Variants in LRP6 observed in about 807,000 individuals in gnomAD.
LRP6 encodes low-density lipoprotein receptor-related protein 6.
Under a neutral mutation model 184.1 loss-of-function variants are expected in LRP6, and 43 were observed. The ratio of observed to expected loss-of-function variants is 0.23; its 90% confidence interval spans 0.18 to 0.30. The LOEUF (loss-of-function observed/expected upper bound fraction) is 0.30, where lower values mean the gene tolerates loss of function less well. Ranked by LOEUF, LRP6 falls within the 10% of genes least tolerant of loss-of-function variation. The pLI is 1.00. For missense variants in LRP6, 1,571 were observed against 2,005.3 expected (o/e 0.78, Z 4.14); for synonymous variants, 719 against 684.9 (o/e 1.05, Z -0.78).
intron 12 of LRP6, among the ~76,000 whole-genome samples, chr12:12,157,045 G>T (rs1862601268): frequency 6.6e-6 from 1 of 152,222 alleles, no homozygotes; most frequent in African/African-American, 2.4e-5. Context: ...CAGCAGGTGT[G>T]AGACAGCCTA....
intron 3 of LRP6, among the ~76,000 whole-genome samples, chr12:12,198,530 CTTTTTTTTT>C (rs56150307): frequency 2.6e-5 from 2 of 76,992 alleles, no homozygotes; most frequent in Non-Finnish European, 5.0e-5. Context: ...GAATTTTTCT[CTTTTTTTTT>C]TTTTTTTTTT....
intron 3 of LRP6, among the ~76,000 whole-genome samples, chr12:12,198,885 T>C (rs1421102702): frequency 6.6e-6 from 1 of 152,204 alleles, no homozygotes; most frequent in East Asian, 1.9e-4. Flanking sequence ...CAATGACTTT[T>C]GACTCATTTA....
intron 3 of LRP6, among the ~76,000 whole-genome samples, chr12:12,197,338 G>C (rs557543835): frequency 6.6e-6 from 1 of 152,294 alleles, no homozygotes; most frequent in Non-Finnish European, 1.5e-5. Context: ...TGCCAGAAAG[G>C]CTTGGTTTCT....
At chr12:12,203,522 T>TG in intron 2 of LRP6, 122 bp from the exon 3 acceptor site, 5 of 774,720 alleles carry the variant, frequency 6.5e-6, no homozygotes, top group Non-Finnish European at 1.1e-5. Flanking sequence ...ATCCCAGCAC[T>TG]CTGGGAGGCT....
chr12:12,126,612 T>C, intron 20 of LRP6, 79 bp downstream of exon 20: 1 of 1,059,294 alleles, frequency 9.4e-7, no homozygotes, highest in Non-Finnish European at 1.5e-6. Context: ...AGACTCTAGG[T>C]AGTATTCTTT....
At position 12,184,105 on chromosome 12, in the gene LRP6, T is replaced by C; in HGVS notation, c.851A>G (p.Asn284Ser). 1 of 1,613,290 alleles carries C rather than the reference T, an allele frequency of 6.2e-7. No homozygotes were observed. Reference sequence around the variant, plus strand: ...ACCCCCATTGTCAATTCCACATGGATTTGTGGCTGTCAAATATAAATCACA... The same window carrying C: ...ACCCCCATTGTCAATTCCACATGGACTTGTGGCTGTCAAATATAAATCACA... ...FSQQRQPNAT[N>S]PCGIDNGGCS... Residue 284 changes from asparagine (N) to serine (S), a missense_variant, in exon 5 of 23, where the codon AAT becomes AGT. By Grantham distance (46) the Asn-to-Ser change is conservative. Coordinates refer to ENST00000261349, the MANE Select transcript of LRP6 (RefSeq NM_002336.3).
intron 2 of LRP6, among the ~76,000 whole-genome samples, chr12:12,221,126 A>G (rs1426408115): frequency 6.6e-6 from 1 of 152,232 alleles, no homozygotes; most frequent in African/African-American, 2.4e-5. Flanking sequence ...TGTCAGCTAA[A>G]TCACATCCTG....
At chr12:12,156,230 T>C (rs190744722) in intron 12 of LRP6, among the ~76,000 whole-genome samples, 1 of 152,260 alleles carries the variant, frequency 6.6e-6, no homozygotes, top group Admixed American at 6.5e-5. Context: ...AAGGAAACAA[T>C]TAAGCAAAGA....
rs557157311 is a variant in LRP6 at position 12,137,355 on chromosome 12, TG to T, written c.3607+969del. Among the ~76,000 whole-genome samples the T allele has an allele frequency of 1.5e-4, 23 of 152,300 alleles. No individual in the cohort carries two copies. The East Asian group carries it at 2.7e-3, about 18-fold the overall frequency. ...CTCTCTATGATTAGGGTAATTTTGA[TG>T]ACAGATATGAATTAAGAACTAGGCC... On this transcript the variant is annotated intron_variant, in intron 16 of 22. Transcript: ENST00000261349.
At chr12:12,123,585 CCAT>C (rs1417044526) in intron 22 of LRP6, among the ~76,000 whole-genome samples, 1 of 152,082 alleles carries the variant, frequency 6.6e-6, no homozygotes, top group African/African-American at 2.4e-5. Context: ...TGAGGGATGC[CCAT>C]GAACCCTGGG....
At chr12:12,155,530 T>A (rs1950140093) in intron 12 of LRP6, 1 of 760,906 alleles carries the variant, frequency 1.3e-6, no homozygotes, top group East Asian at 2.5e-5. Flanking sequence ...ACAGAATTAA[T>A]ATGCATATTC....
chr12:12,127,376 G>A (rs13377971), intron 19 of LRP6, among the ~76,000 whole-genome samples: 11,004 of 152,236 alleles, frequency 0.072, 527 homozygotes, highest in Admixed American at 0.11. Context: ...TACCTGGAAT[G>A]GTGAAGAAGC....
rs138465296 is a variant in LRP6, at chr12:12,162,211, G to A, written c.2261C>T (p.Ala754Val). The change falls in exon 10 of 23, where the codon GCG (alanine) becomes GTG (valine). Residue 754 changes from alanine to valine, a missense_variant. Ala to Val is a moderately conservative substitution (Grantham distance 64). Coordinates refer to ENST00000261349, the MANE Select transcript of LRP6 (RefSeq NM_002336.3). Reference sequence around the variant, plus strand: ...TGTTTACCCTTCGGCAGGGTCCAACGCGAGAGCTCTGGGACTATCTAGGTC... The same window carrying A: ...TGTTTACCCTTCGGCAGGGTCCAACACGAGAGCTCTGGGACTATCTAGGTC... ...WKDLDSPRAL[A>V]LDPAEGFMYW... is the part of the protein sequence containing the mutation. The A allele has an allele frequency of 7.4e-6, 12 of 1,614,010 alleles. No individual in the cohort carries two copies. Among genetic ancestry groups the A allele is most frequent in the African/African-American group, 4.0e-5 (3 of 74,916 alleles).
chr12:12,195,667 T>C (rs1863735686), intron 3 of LRP6, among the ~76,000 whole-genome samples: 1 of 152,200 alleles, frequency 6.6e-6, no homozygotes, highest in African/African-American at 2.4e-5. Flanking sequence ...TGTTGTTTCC[T>C]TTGCTCTGTA....
intron 1 of LRP6, among the ~76,000 whole-genome samples, chr12:12,254,444 C>G (rs1263891149): frequency 6.6e-6 from 1 of 152,192 alleles, no homozygotes; most frequent in Non-Finnish European, 1.5e-5. Context: ...GAACCCCTTT[C>G]TCTTTTCTCT....
At chr12:12,169,670 GC>G (rs927688811) in intron 7 of LRP6, among the ~76,000 whole-genome samples, 1 of 152,172 alleles carries the variant, frequency 6.6e-6, no homozygotes. Flanking sequence ...TCCTGAGAAG[GC>G]ACAACTAATG....
intron 7 of LRP6, among the ~76,000 whole-genome samples, chr12:12,177,321 T>A (rs1190148267): frequency 6.6e-6 from 1 of 152,170 alleles, no homozygotes; most frequent in Admixed American, 6.5e-5. Context: ...TGGGGTTAGA[T>A]CAGTATCTGG....
intron 2 of LRP6, among the ~76,000 whole-genome samples, chr12:12,229,370 C>CAAA (rs375650917): frequency 4.1e-4 from 25 of 61,148 alleles, no homozygotes; most frequent in East Asian, 2.6e-3. Flanking sequence ...AACTCCATTT[C>CAAA]AAAAAAAAAA....
chr12:12,261,474 A>G (rs1044799561), intron 1 of LRP6, among the ~76,000 whole-genome samples: 1 of 152,172 alleles, frequency 6.6e-6, no homozygotes, highest in African/African-American at 2.4e-5. Context: ...CTAAAACCTT[A>G]AAATTTAATA....
Sources: allele counts gnomAD v4.1 joint callset (sites outside exome capture counted in the v4.1 genomes callset), GRCh38; gene constraint gnomAD v4.1.1; transcripts MANE v1.5; gene names NCBI Gene and HGNC (gene_info 2026-07-23, HGNC 2026-07-21).